COL24A1: variants seen among roughly 807,000 people sequenced by gnomAD.
COL24A1 encodes the protein collagen alpha-1(XXIV) chain.
In COL24A1, 224 loss-of-function variants were observed where a neutral mutation model predicts 253.9. The ratio of observed to expected loss-of-function variants is 0.88; its 90% CI spans 0.79 to 0.99. The LOEUF is 0.99. COL24A1 is among the 50% of genes least tolerant of loss of function. The probability of loss-of-function intolerance (pLI) is 0.00; values close to 1 mark genes in which losing one functional copy is unlikely to be tolerated. For synonymous variants in COL24A1, 685 were observed against 673.7 expected (o/e 1.02, Z -0.26); for missense variants, 2,131 against 2,068.5 (o/e 1.03, Z -0.59).
intron 45 of COL24A1, among the ~76,000 whole-genome samples, chr1:85,818,382 G>A (rs1458489324): frequency 6.6e-5 from 10 of 152,250 alleles, no homozygotes; most frequent in South Asian, 2.1e-4. Flanking sequence ...CTACTTTCAG[G>A]AAGGGCCTTG....
intron 24 of COL24A1, among the ~76,000 whole-genome samples, chr1:85,945,820 C>T (rs902872630): frequency 6.6e-6 from 1 of 151,966 alleles, no homozygotes; most frequent in Non-Finnish European, 1.5e-5. Flanking sequence ...TTCTTTATGA[C>T]TTATTTGGTA....
chr1:85,776,849 C>T (rs1354202763), intron 52 of COL24A1, among the ~76,000 whole-genome samples: 2 of 152,028 alleles, frequency 1.3e-5, no homozygotes, highest in African/African-American at 4.8e-5. Flanking sequence ...AGAATACTAT[C>T]TTATCATTTA....
chr1:85,745,410 G>GT (rs1175718169), intron 56 of COL24A1, 31 bp downstream of exon 56: 1 of 1,527,564 alleles, frequency 6.5e-7, no homozygotes, highest in African/African-American at 1.4e-5. Context: ...TTGAGAGACA[G>GT]TGCCAATATA....
At chr1:85,961,629 T>C (rs187130913) in intron 23 of COL24A1, among the ~76,000 whole-genome samples, 10 of 152,302 alleles carry the variant, frequency 6.6e-5, no homozygotes, top group Admixed American at 4.6e-4. Context: ...TATAAAGAAC[T>C]ACCTGAGACT....
At chr1:85,885,428 C>T (rs1019939346) in intron 32 of COL24A1, among the ~76,000 whole-genome samples, 1 of 145,402 alleles carries the variant, frequency 6.9e-6, no homozygotes, top group Non-Finnish European at 1.5e-5. Context: ...TAAATGTTGG[C>T]CAGGCTGATC....
chr1:85,910,074 A>G, intron 25 of COL24A1, 71 bp from the exon 26 acceptor site: 1 of 1,199,234 alleles, frequency 8.3e-7, no homozygotes, highest in Non-Finnish European at 1.2e-6. Context: ...CTAAGCCTAG[A>G]AAGAAAAACT....
At chr1:85,999,318 T>C (rs148792503) in intron 19 of COL24A1, among the ~76,000 whole-genome samples, 22 of 152,214 alleles carry the variant, frequency 1.4e-4, no homozygotes, top group African/African-American at 5.1e-4. Flanking sequence ...GTTTGCAACA[T>C]TGTAACAACT....
At chr1:85,891,649 A>T (rs1683144822) in intron 31 of COL24A1, among the ~76,000 whole-genome samples, 1 of 152,154 alleles carries the variant, frequency 6.6e-6, no homozygotes, top group Non-Finnish European at 1.5e-5. Flanking sequence ...TTACTCCAGG[A>T]TCCTTAATTA....
chr1:86,156,081 C>A, intron 1 of COL24A1: 1 of 370,164 alleles, frequency 2.7e-6, no homozygotes, highest in Non-Finnish European at 4.8e-6. Flanking sequence ...TCGGGACTCG[C>A]GCCAGCGAGC....
At chr1:85,987,265 C>A (rs1693797639) in intron 20 of COL24A1, among the ~76,000 whole-genome samples, 1 of 151,656 alleles carries the variant, frequency 6.6e-6, no homozygotes, top group African/African-American at 2.4e-5. Flanking sequence ...ATCTTATGTC[C>A]CCAAAAGATT....
At chr1:85,806,400 AAT>A (rs774485302) in intron 47 of COL24A1, among the ~76,000 whole-genome samples, 2 of 152,224 alleles carry the variant, frequency 1.3e-5, no homozygotes, top group African/African-American at 2.4e-5. Context: ...GAGGTCAGCC[AAT>A]GTTTTCTGTA....
intron 7 of COL24A1, among the ~76,000 whole-genome samples, chr1:86,064,929 TACATA>T (rs140544947): frequency 0.071 from 10,818 of 152,274 alleles, 479 homozygotes; most frequent in Middle Eastern, 0.14. Flanking sequence ...TTAGCCTAAT[TACATA>T]ACATATTACA....
chr1:86,013,033 T>C (rs995255801), intron 19 of COL24A1, among the ~76,000 whole-genome samples: 3 of 152,204 alleles, frequency 2.0e-5, no homozygotes, highest in Non-Finnish European at 4.4e-5. Flanking sequence ...CATGTATTAA[T>C]GTGTGTAATA....
chr1:85,858,432 C>T (rs1678706271), intron 37 of COL24A1, among the ~76,000 whole-genome samples: 1 of 152,052 alleles, frequency 6.6e-6, no homozygotes, highest in Non-Finnish European at 1.5e-5. Flanking sequence ...TGCCTTAGGG[C>T]CTTTGCGTTA....
At chr1:86,089,069 A>G (rs893099944) in intron 7 of COL24A1, 105 bp downstream of exon 7, 1 of 845,236 alleles carries the variant, frequency 1.2e-6, no homozygotes, top group Non-Finnish European at 1.8e-6. Flanking sequence ...GACCTCCAAG[A>G]TCCATATATC....
At chr1:86,156,029 C>T (rs12091451) in intron 1 of COL24A1, 189 of 277,996 alleles carry the variant, frequency 6.8e-4, no homozygotes, top group African/African-American at 3.9e-3. Flanking sequence ...GAGAGATCGT[C>T]GGAGCCCAGC....
At chr1:85,859,681 T>C (rs1678914740) in intron 37 of COL24A1, among the ~76,000 whole-genome samples, 1 of 152,194 alleles carries the variant, frequency 6.6e-6, no homozygotes, top group South Asian at 2.1e-4. Flanking sequence ...GTGTAAGTAA[T>C]ATTTTGCTCC....
intron 19 of COL24A1, among the ~76,000 whole-genome samples, chr1:85,997,086 T>C (rs1483552564): frequency 7.3e-6 from 1 of 136,608 alleles, no homozygotes; most frequent in East Asian, 2.0e-4. Context: ...TATATACCAG[T>C]TAGTAGAAAT....
intron 52 of COL24A1, 132 bp from the exon 53 acceptor site, chr1:85,775,841 A>T: frequency 1.5e-6 from 1 of 663,780 alleles, no homozygotes. Flanking sequence ...CTGTTTTGTT[A>T]AATTGTATAA....
Sources: gnomAD v4.1 joint callset for allele counts (sites outside exome capture counted in the v4.1 genomes callset) on GRCh38, gnomAD v4.1.1 for gene constraint, MANE v1.5 for transcripts, NCBI Gene and HGNC (gene_info 2026-07-23, HGNC 2026-07-21) for gene names.